Variants in ANKRD6 observed in about 807,000 individuals in gnomAD.
ANKRD6 encodes the protein ankyrin repeat domain 6, also known as ankyrin repeat domain-containing protein 6.
ANKRD6 carries 56 observed loss-of-function variants against 82.3 expected under a neutral mutation model. The ratio of observed to expected loss-of-function variants is 0.68; its 90% CI spans 0.55 to 0.85. ANKRD6 has a LOEUF of 0.85. Among genes scored for constraint, ANKRD6 ranks in the 40% least tolerant of loss-of-function variants. ANKRD6 has a pLI of 0.00. For missense variants in ANKRD6, 852 were observed against 907.6 expected, an observed-to-expected ratio of 0.94 and a Z score of 0.79; for synonymous variants, 347 against 352.1, an observed-to-expected ratio of 0.99 and a Z score of 0.16.
chr6:89,500,147 C>T (rs1266075277), intron 1 of ANKRD6, among the ~76,000 whole-genome samples: 2 of 151,534 alleles, frequency 1.3e-5, no homozygotes, highest in African/African-American at 2.4e-5. Context: ...CTTGATGCTT[C>T]TAGAGGAAGG....
chr6:89,458,060 G>A (rs1323306123), intron 1 of ANKRD6, among the ~76,000 whole-genome samples: 1 of 152,124 alleles, frequency 6.6e-6, no homozygotes, highest in Non-Finnish European at 1.5e-5. Context: ...CAGGAAATGG[G>A]CCCTCACCAG....
In ANKRD6 at chr6:89,624,592, G is replaced by A; in HGVS notation, c.1272G>A (p.Gln424=). The change falls in exon 13 of 16, where the codon CAG becomes CAA. Residue 424 remains glutamine, a synonymous_variant. Coordinates refer to ENST00000339746, the MANE Select transcript of ANKRD6 (RefSeq NM_001242809.2). Reference sequence around the variant, plus strand: ...CTCTAATCAACAAGCTGGAGAATCAGTTGGAGGCTACTGTGGAGGAGATAA... The same window carrying A: ...CTCTAATCAACAAGCTGGAGAATCAATTGGAGGCTACTGTGGAGGAGATAA... The part of the protein sequence containing the change: ...CEPLINKLEN[Q]LEATVEEIKA... 6.4e-7 allele frequency: 1 copy of A among 1,561,276 alleles called. No individual in the cohort carries two copies. Among genetic ancestry groups the A allele is most frequent in the African/African-American group, 1.4e-5 (1 of 73,592 alleles).
At position 89,486,037 on chromosome 6, in the gene ANKRD6, C is replaced by G. The variant is rs555158427; in HGVS notation, c.-144+52662C>G. 2.6e-5 allele frequency among the ~76,000 whole-genome samples: 4 copies of G among 152,280 alleles called. No individual in the cohort carries two copies. In the East Asian group the frequency reaches 5.8e-4, roughly 22 times the overall value. Reference sequence around the variant, plus strand: ...TATCAGTAATAACTACATTTTGATACATATCTTGCCAGTCTTTAAAACATT... The same window carrying G: ...TATCAGTAATAACTACATTTTGATAGATATCTTGCCAGTCTTTAAAACATT... On this transcript the variant is annotated intron_variant, in intron 1 of 15. Coordinates refer to ENST00000339746, the MANE Select transcript of ANKRD6 (RefSeq NM_001242809.2).
chr6:89,459,050 CT>C (rs1014276789), intron 1 of ANKRD6, among the ~76,000 whole-genome samples: 1 of 151,812 alleles, frequency 6.6e-6, no homozygotes, highest in Non-Finnish European at 1.5e-5. Flanking sequence ...CAGAGTTCAC[CT>C]TTTTTTTGTC....
intron 5 of ANKRD6, among the ~76,000 whole-genome samples, chr6:89,609,537 G>A (rs1799669444): frequency 6.6e-6 from 1 of 152,002 alleles, no homozygotes; most frequent in South Asian, 2.1e-4. Context: ...CCTGACCTCA[G>A]GTGATCCACT....
chr6:89,563,534 A>G (rs1418546151), intron 1 of ANKRD6, among the ~76,000 whole-genome samples: 4 of 152,338 alleles, frequency 2.6e-5, no homozygotes, highest in Non-Finnish European at 4.4e-5. Context: ...AAGTATCTTG[A>G]ATGATAGCTG....
chr6:89,624,064 G>T lies in ANKRD6; in HGVS notation c.1218+7G>T. ...GGATGGGAAAGTGATGCAGGTACCT[G>T]CAAAGCAGTGTCAGGAGAAGGGAAC... On this transcript the variant is annotated splice_region_variant and intron_variant, in intron 12 of 15. Transcript: ENST00000339746. 4 of 1,604,250 alleles carry T rather than the reference G, an allele frequency of 2.5e-6. No homozygotes were observed. Among genetic ancestry groups the T allele is most frequent in the Non-Finnish European group, 3.4e-6 (4 of 1,175,292 alleles).
At chr6:89,559,627 AG>A (rs1360114494) in intron 1 of ANKRD6, among the ~76,000 whole-genome samples, 9 of 152,220 alleles carry the variant, frequency 5.9e-5, no homozygotes, top group African/African-American at 2.2e-4. Context: ...ATTTGTCTTT[AG>A]CATTTGGATC....
intron 1 of ANKRD6, among the ~76,000 whole-genome samples, chr6:89,462,403 A>G (rs1438151755): frequency 1.3e-5 from 2 of 152,118 alleles, no homozygotes; most frequent in Non-Finnish European, 2.9e-5. Context: ...TTTTCCAGAC[A>G]TGTAATACAA....
intron 1 of ANKRD6, among the ~76,000 whole-genome samples, chr6:89,462,269 TA>T (rs776462367): frequency 6.8e-6 from 1 of 147,928 alleles, no homozygotes; most frequent in African/African-American, 2.5e-5. Flanking sequence ...ATAATAATAA[TA>T]AATACATAAA....
intron 1 of ANKRD6, among the ~76,000 whole-genome samples, chr6:89,557,102 C>T (rs1786703277): frequency 6.6e-6 from 1 of 151,906 alleles, no homozygotes; most frequent in Admixed American, 6.6e-5. Flanking sequence ...AAGGTGAGGA[C>T]ACAGGAAAAG....
At chr6:89,564,342 C>A (rs1306563763) in intron 1 of ANKRD6, among the ~76,000 whole-genome samples, 3 of 152,142 alleles carry the variant, frequency 2.0e-5, no homozygotes, top group African/African-American at 7.2e-5. Flanking sequence ...AAGGGTGTTT[C>A]TGCTTGGCCA....
At chr6:89,624,724 G>C in intron 13 of ANKRD6, 33 bp downstream of exon 13, 1 of 1,592,432 alleles carries the variant, frequency 6.3e-7, no homozygotes, top group Non-Finnish European at 8.6e-7. Flanking sequence ...CTAATTGCAA[G>C]GTGTTCTGGC....
chr6:89,475,088 T>A (rs944101351), intron 1 of ANKRD6, among the ~76,000 whole-genome samples: 4 of 152,224 alleles, frequency 2.6e-5, no homozygotes, highest in Non-Finnish European at 5.9e-5. Flanking sequence ...CTGATCAGAA[T>A]TTTTGGACTT....
chr6:89,460,738 T>C (rs2127770757), intron 1 of ANKRD6, among the ~76,000 whole-genome samples: 1 of 152,136 alleles, frequency 6.6e-6, no homozygotes, highest in African/African-American at 2.4e-5. Context: ...CCAATTTTCT[T>C]TTTTTTAATG....
intron 1 of ANKRD6, among the ~76,000 whole-genome samples, chr6:89,462,247 AT>A (rs1383107840): frequency 6.9e-6 from 1 of 145,776 alleles, no homozygotes; most frequent in Non-Finnish European, 1.5e-5. Flanking sequence ...AATAATAATA[AT>A]AATAATAATA....
chr6:89,462,146 C>T (rs1286536234), intron 1 of ANKRD6, among the ~76,000 whole-genome samples: 5 of 151,516 alleles, frequency 3.3e-5, no homozygotes, highest in Admixed American at 1.3e-4. Flanking sequence ...GCAGGAGAAT[C>T]GCTTGAACCC....
Position 89,570,621 on chromosome 6 carries a change from C to T in ANKRD6, c.120+3525C>T, listed in dbSNP as rs762295062. On this transcript the variant is annotated intron_variant, in intron 2 of 15. Coordinates refer to ENST00000339746, the MANE Select transcript of ANKRD6 (RefSeq NM_001242809.2). ...CCTGTCTCTGAATTTGACTGTTAGCCGCACCTCAAATAAGTGGAATCATAC... is the reference window on the plus strand; with the variant it reads ...CCTGTCTCTGAATTTGACTGTTAGCTGCACCTCAAATAAGTGGAATCATAC... Among the ~76,000 whole-genome samples the T allele has an allele frequency of 1.4e-3, 209 of 152,312 alleles. 1 individual carries two copies. Among genetic ancestry groups the T allele is most frequent in the Middle Eastern group, 3.4e-3 (1 of 294 alleles).
chr6:89,551,041 A>C (rs1785781552), intron 1 of ANKRD6, among the ~76,000 whole-genome samples: 1 of 152,232 alleles, frequency 6.6e-6, no homozygotes, highest in Non-Finnish European at 1.5e-5. Flanking sequence ...CTCTAGTTCT[A>C]AAATAAATCT....
Sources: gnomAD v4.1 joint callset for allele counts (sites outside exome capture counted in the v4.1 genomes callset) on GRCh38, gnomAD v4.1.1 for gene constraint, MANE v1.5 for transcripts, NCBI Gene and HGNC (gene_info 2026-07-23, HGNC 2026-07-21) for gene names.